EEF1AKMT1: variants seen among roughly 807,000 people sequenced by gnomAD.
EEF1AKMT1 encodes the protein EEF1A lysine methyltransferase 1, also known as N-6 adenine-specific DNA methyltransferase 2 (putative).
Under a neutral mutation model 21.0 loss-of-function variants are expected in EEF1AKMT1, and 18 were observed. The observed-to-expected ratio is 0.86, with a 90% CI of 0.59 to 1.27. The LOEUF (loss-of-function observed/expected upper bound fraction) is 1.27. Among genes scored for constraint, EEF1AKMT1 ranks in the 50% most tolerant of loss-of-function variants. EEF1AKMT1 has a pLI of 0.00. For missense variants in EEF1AKMT1, 246 were observed against 258.6 expected (o/e 0.95, Z 0.33); for synonymous variants, 109 against 94.8 (o/e 1.15, Z -0.87).
At chr13:20,730,181 A>G (rs2058784600) in intron 4 of EEF1AKMT1, among the ~76,000 whole-genome samples, 1 of 152,240 alleles carries the variant, frequency 6.6e-6, no homozygotes, top group Non-Finnish European at 1.5e-5. Context: ...TGAAACTAAA[A>G]TGCACACTCC....
At chr13:20,733,177 C>T (rs1305246864) in intron 3 of EEF1AKMT1, among the ~76,000 whole-genome samples, 7 of 146,408 alleles carry the variant, frequency 4.8e-5, no homozygotes, top group Non-Finnish European at 1.0e-4. Flanking sequence ...CTCACTGAAA[C>T]CTCTGCCTTC....
At chr13:20,763,048 T>C (rs2059008980) in intron 1 of EEF1AKMT1, among the ~76,000 whole-genome samples, 1 of 152,246 alleles carries the variant, frequency 6.6e-6, no homozygotes, top group Non-Finnish European at 1.5e-5. Context: ...TCATATTTAC[T>C]AATATTTTGC....
intron 2 of EEF1AKMT1, chr13:20,746,897 T>C (rs936332388): frequency 6.6e-6 from 1 of 152,284 alleles, no homozygotes; most frequent in Non-Finnish European, 1.5e-5. Flanking sequence ...AACAGCTAAA[T>C]ATGCAAGTCT....
At chr13:20,743,749 T>C (rs2058886545) in intron 2 of EEF1AKMT1, among the ~76,000 whole-genome samples, 1 of 151,668 alleles carries the variant, frequency 6.6e-6, no homozygotes, top group Admixed American at 6.6e-5. Flanking sequence ...GGTATACATA[T>C]GCCATGGTGG....
chr13:20,749,986 C>T (rs947060836), intron 2 of EEF1AKMT1, among the ~76,000 whole-genome samples: 1 of 151,888 alleles, frequency 6.6e-6, no homozygotes, highest in Non-Finnish European at 1.5e-5. Context: ...TTAAAGCTTT[C>T]CTTCCCTCTT....
At chr13:20,760,128 C>CA (rs2058993630) in intron 1 of EEF1AKMT1, among the ~76,000 whole-genome samples, 1 of 67,238 alleles carries the variant, frequency 1.5e-5, no homozygotes, top group Non-Finnish European at 3.3e-5. Flanking sequence ...AAAAAAAAGT[C>CA]AAAAAATAAC....
At chr13:20,734,705 T>C (rs575312135) in intron 3 of EEF1AKMT1, among the ~76,000 whole-genome samples, 101 of 152,124 alleles carry the variant, frequency 6.6e-4, no homozygotes, top group Non-Finnish European at 1.2e-3. Flanking sequence ...GCCATTCTCC[T>C]GCCTCAGCCT....
At chr13:20,770,544 C>T (rs531635727) in intron 1 of EEF1AKMT1, among the ~76,000 whole-genome samples, 30 of 152,234 alleles carry the variant, frequency 2.0e-4, no homozygotes, top group Admixed American at 1.3e-4. Flanking sequence ...CCCAACAGGC[C>T]GGAAAATTTC....
intron 1 of EEF1AKMT1, among the ~76,000 whole-genome samples, chr13:20,770,777 A>C (rs953286102): frequency 3.3e-5 from 5 of 152,234 alleles, no homozygotes; most frequent in African/African-American, 1.2e-4. Context: ...CCTAGAACTG[A>C]AAGAAAAATA....
chr13:20,760,123 A>AAAAAAAAAAG (rs1555327133), intron 1 of EEF1AKMT1, among the ~76,000 whole-genome samples: 6 of 127,468 alleles, frequency 4.7e-5, no homozygotes, highest in East Asian at 2.6e-4. Context: ...AAAAAAAAAA[A>AAAAAAAAAAG]AAGTCAAAAA....
At chr13:20,751,014 C>A (rs748228836) in intron 2 of EEF1AKMT1, among the ~76,000 whole-genome samples, 4 of 152,112 alleles carry the variant, frequency 2.6e-5, no homozygotes, top group Admixed American at 6.5e-5. Flanking sequence ...GTCCTTTGCC[C>A]ATTTTAATGG....
At chr13:20,735,422 A>G (rs147643115) in intron 3 of EEF1AKMT1, among the ~76,000 whole-genome samples, 27 of 152,280 alleles carry the variant, frequency 1.8e-4, no homozygotes, top group Admixed American at 7.2e-4. Context: ...TTGATGATGT[A>G]CCATGTGGAA....
intron 1 of EEF1AKMT1, among the ~76,000 whole-genome samples, chr13:20,763,021 T>G (rs2059008847): frequency 6.6e-6 from 1 of 152,228 alleles, no homozygotes; most frequent in Admixed American, 6.5e-5. Context: ...AACTGATTCT[T>G]CTTATGTATT....
intron 2 of EEF1AKMT1, among the ~76,000 whole-genome samples, chr13:20,738,879 G>C (rs61513396): frequency 2.0e-5 from 3 of 151,696 alleles, no homozygotes; most frequent in Non-Finnish European, 2.9e-5. Flanking sequence ...TAGACGCAAC[G>C]AAAATGTTCT....
In EEF1AKMT1 at chr13:20,750,142, T is replaced by C. The variant is rs138260928; in HGVS notation, c.144+7313A>G. Reference sequence around the variant, plus strand: ...TTTGTTACATGCACAGAATGTGTAATGATCAAGTCAGGGTACTTAGGGTAT... The same window carrying C: ...TTTGTTACATGCACAGAATGTGTAACGATCAAGTCAGGGTACTTAGGGTAT... On this transcript the variant is annotated intron_variant, in intron 2 of 4. Coordinates refer to ENST00000382758, the MANE Select transcript of EEF1AKMT1 (RefSeq NM_001318939.2). 1.7e-3 allele frequency among the ~76,000 whole-genome samples: 258 copies of C among 152,346 alleles called. 2 individuals are homozygous for C. Among genetic ancestry groups the C allele is most frequent in the African/African-American group, 5.9e-3 (246 of 41,594 alleles).
At chr13:20,770,057 G>A (rs1308550236) in intron 1 of EEF1AKMT1, among the ~76,000 whole-genome samples, 1 of 152,084 alleles carries the variant, frequency 6.6e-6, no homozygotes, top group African/African-American at 2.4e-5. Flanking sequence ...GTTTTGAGCA[G>A]GCAGAAGAGA....
At chr13:20,755,975 A>G (rs2058969414) in intron 2 of EEF1AKMT1, among the ~76,000 whole-genome samples, 1 of 152,250 alleles carries the variant, frequency 6.6e-6, no homozygotes, top group Admixed American at 6.5e-5. Context: ...AGAAGCATCA[A>G]GCTAGAAGGT....
At chr13:20,738,367 T>C (rs1047363519) in intron 2 of EEF1AKMT1, among the ~76,000 whole-genome samples, 2 of 152,354 alleles carry the variant, frequency 1.3e-5, no homozygotes, top group African/African-American at 2.4e-5. Context: ...TGATTGGTGA[T>C]TTTTAAAAAA....
At chr13:20,751,877 T>C (rs1407975510) in intron 2 of EEF1AKMT1, among the ~76,000 whole-genome samples, 1 of 152,198 alleles carries the variant, frequency 6.6e-6, no homozygotes, top group African/African-American at 2.4e-5. Flanking sequence ...TGGTTAAATT[T>C]ATTACTAGGT....
Sources: allele counts gnomAD v4.1 joint callset (sites outside exome capture counted in the v4.1 genomes callset), GRCh38; gene constraint gnomAD v4.1.1; transcripts MANE v1.5; gene names NCBI Gene and HGNC (gene_info 2026-07-23, HGNC 2026-07-21).